BLNK: variants seen among roughly 807,000 people sequenced by gnomAD.
BLNK encodes B cell linker, also known as B-cell linker protein.
Under a neutral mutation model 73.5 loss-of-function variants are expected in BLNK, and 29 were observed. The observed-to-expected ratio is 0.39, with a 90% CI of 0.29 to 0.54. The LOEUF is 0.54. BLNK is among the 20% of genes least tolerant of loss of function. BLNK has a pLI of 0.61. For missense variants in BLNK, 460 were observed against 562.8 expected (o/e 0.82, Z 1.85); for synonymous variants, 176 against 200.8 (o/e 0.88, Z 1.04).
intron 15 of BLNK, chr10:96,199,666 T>A (rs587715831): frequency 2.1e-5 from 8 of 385,900 alleles, no homozygotes; most frequent in African/African-American, 1.3e-4. Context: ...TTAATTAGCA[T>A]ATCATAAGGA....
At chr10:96,237,280 G>A (rs1167078016) in intron 3 of BLNK, among the ~76,000 whole-genome samples, 2 of 152,152 alleles carry the variant, frequency 1.3e-5, no homozygotes, top group East Asian at 3.9e-4. Context: ...GGATTGTTAT[G>A]CATACCCCAT....
chr10:96,260,913 G>A (rs1402744273), intron 1 of BLNK, among the ~76,000 whole-genome samples: 1 of 150,054 alleles, frequency 6.7e-6, no homozygotes, highest in Non-Finnish European at 1.5e-5. Context: ...GCGTTATCTC[G>A]GCTCACTAAA....
chr10:96,206,567 A>AT (rs60535946), intron 11 of BLNK, among the ~76,000 whole-genome samples: 1 of 150,526 alleles, frequency 6.6e-6, no homozygotes, highest in Non-Finnish European at 1.5e-5. Context: ...AAAAAAAAAA[A>AT]GGAAGAAAAG....
chr10:96,258,843 TC>T lies in BLNK; in HGVS notation c.48-11795del, dbSNP rs374241908. Among the ~76,000 whole-genome samples the T allele has an allele frequency of 6.7e-3, 1,021 of 152,292 alleles. 13 individuals are homozygous for T. The highest frequency in any genetic ancestry group is 0.023 in the African/African-American group (967 of 41,552). On this transcript the variant is annotated intron_variant, in intron 1 of 16. Coordinates refer to ENST00000224337, the MANE Select transcript of BLNK (RefSeq NM_013314.4). ...CTACCCTGTGAGGGAGGTCCTATTATCCCCATGTTTATATTATGATAAAAAA... is the reference window on the plus strand; with the variant it reads ...CTACCCTGTGAGGGAGGTCCTATTATCCCATGTTTATATTATGATAAAAAA...
In BLNK at chr10:96,200,912, TCTC is replaced by T; in HGVS notation, c.1011+67_1011+69del. 3.0e-6 allele frequency: 4 copies of T among 1,350,886 alleles called. No homozygotes were observed. The highest frequency in any genetic ancestry group is 4.3e-6 in the Non-Finnish European group (4 of 940,336). 83.7% of individuals were successfully genotyped at this position (1,350,886 alleles called of 1,614,324 possible). On this transcript the variant is annotated intron_variant, in intron 14 of 16. Coordinates refer to ENST00000224337, the MANE Select transcript of BLNK (RefSeq NM_013314.4). The surrounding 1 kb of genome is among the most constrained non-coding windows in gnomAD (Gnocchi z 4.3). Reference sequence around the variant, plus strand: ...TCAAGGTTCACTCCAAATGTCTTCTTCTCAGAAGACATGCTCTTTCCTGCAGTT... The same window carrying T: ...TCAAGGTTCACTCCAAATGTCTTCTTAGAAGACATGCTCTTTCCTGCAGTT...
intron 7 of BLNK, chr10:96,216,012 T>A (rs2084056495): frequency 6.2e-6 from 1 of 161,536 alleles, no homozygotes; most frequent in African/African-American, 2.4e-5. Flanking sequence ...ATGGCTACCA[T>A]GGAGTTGAGA....
chr10:96,247,798 A>G (rs782100001), intron 1 of BLNK, among the ~76,000 whole-genome samples: 15 of 152,136 alleles, frequency 9.9e-5, no homozygotes, highest in Non-Finnish European at 1.9e-4. Context: ...CGTCTGATTG[A>G]TCACCTTCTG....
Position 96,204,530 on chromosome 10 carries a change from A to G in BLNK, c.902+2T>C, listed in dbSNP as rs1554896940. On this transcript the variant is annotated splice_donor_variant, in intron 12 of 16. Transcript: ENST00000224337. LOFTEE classifies it high-confidence loss of function. ...CTGATCTTTAAAGGAAAGGATTCTTACTTCTGGGCAGGAGGAAACACTGGT... is the reference window on the plus strand; with the variant it reads ...CTGATCTTTAAAGGAAAGGATTCTTGCTTCTGGGCAGGAGGAAACACTGGT... The G allele has an allele frequency of 6.2e-7, 1 of 1,613,908 alleles. No individual in the cohort carries two copies. The highest frequency in any genetic ancestry group is 1.7e-5 in the Admixed American group (1 of 60,024).
chr10:96,197,463 C>T (rs1483727816), intron 15 of BLNK, among the ~76,000 whole-genome samples: 2 of 152,044 alleles, frequency 1.3e-5, no homozygotes, highest in Non-Finnish European at 2.9e-5. Context: ...CACCACCATG[C>T]CCAGCTAAAT....
At chr10:96,201,936 G>A (rs1554896296) in intron 13 of BLNK, among the ~76,000 whole-genome samples, 3 of 152,128 alleles carry the variant, frequency 2.0e-5, no homozygotes, top group African/African-American at 7.2e-5. Context: ...ATGCTATGAA[G>A]AAAAATAAAT....
chr10:96,209,883 G>A lies in BLNK; in HGVS notation c.701C>T (p.Thr234Ile). The change falls in exon 9 of 17, where the codon ACC (threonine) becomes ATC (isoleucine). Residue 234 changes from threonine (T) to isoleucine (I), a missense_variant. Thr to Ile is a moderately conservative substitution (Grantham distance 89, BLOSUM62 -1). Transcript: ENST00000224337. The stretch of plus-strand genomic sequence containing the variant: ...TGGTGCAGCTGGTGGAGGTGACTTG[G>A]TTTCCCAGGCCCCACTGTTTCGACC... ...ASGRNSGAWETKSPPPAAPSP... is the reference protein window; with the variant it reads ...ASGRNSGAWEIKSPPPAAPSP... The A allele has an allele frequency of 1.2e-6, 2 of 1,614,198 alleles. No individual in the cohort carries two copies. The highest frequency in any genetic ancestry group is 1.7e-6 in the Non-Finnish European group (2 of 1,180,024).
rs1283866568 is a variant in BLNK, at chr10:96,271,338, G to A, written c.47+14C>T. 4 of 1,613,498 alleles carry A rather than the reference G, an allele frequency of 2.5e-6. No individual in the cohort carries two copies. In the African/African-American group the frequency reaches 4.0e-5, roughly 16 times the overall value. On this transcript the variant is annotated intron_variant, in intron 1 of 16. Coordinates refer to ENST00000224337, the MANE Select transcript of BLNK (RefSeq NM_013314.4). ...AAGGAGATGAAGAAGGGTATTGGGTGGGGAAAATCTTACCTCAACTTCTGA... is the reference window on the plus strand; with the variant it reads ...AAGGAGATGAAGAAGGGTATTGGGTAGGGAAAATCTTACCTCAACTTCTGA...
At chr10:96,268,169 A>G (rs1844099212) in intron 1 of BLNK, among the ~76,000 whole-genome samples, 2 of 152,238 alleles carry the variant, frequency 1.3e-5, no homozygotes, top group Admixed American at 1.3e-4. Context: ...GTGTTTGTTT[A>G]TGCTACAAAG....
intron 1 of BLNK, among the ~76,000 whole-genome samples, chr10:96,263,250 C>A (rs782043023): frequency 6.6e-6 from 1 of 152,186 alleles, no homozygotes; most frequent in African/African-American, 2.4e-5. Context: ...GGACCCTGTG[C>A]GACTGTATGG....
intron 6 of BLNK, 67 bp from the exon 7 acceptor site, chr10:96,216,801 T>G: frequency 2.2e-6 from 3 of 1,360,100 alleles, no homozygotes; most frequent in Non-Finnish European, 3.1e-6. Flanking sequence ...TGGGAGGGAG[T>G]GATTTTTTTA....
intron 16 of BLNK, 51 bp downstream of exon 16, chr10:96,196,857 A>T: frequency 6.4e-7 from 1 of 1,559,616 alleles, no homozygotes; most frequent in East Asian, 2.3e-5. Context: ...ATTTGATGTC[A>T]TTATACTCAA....
At chr10:96,193,139 A>G (rs1554893900) in intron 16 of BLNK, among the ~76,000 whole-genome samples, 1 of 152,248 alleles carries the variant, frequency 6.6e-6, no homozygotes, top group East Asian at 1.9e-4. Flanking sequence ...GAGGTAAGAG[A>G]CAGGGACTTT....
At chr10:96,207,967 T>C (rs2083861125) in intron 9 of BLNK, 68 bp from the exon 10 acceptor site, 2 of 1,506,924 alleles carry the variant, frequency 1.3e-6, no homozygotes, top group Admixed American at 1.7e-5. Context: ...TTTACCATTA[T>C]TTTAGTCTCA....
chr10:96,195,637 T>C (rs2083446576), intron 16 of BLNK, among the ~76,000 whole-genome samples: 1 of 152,172 alleles, frequency 6.6e-6, no homozygotes, highest in African/African-American at 2.4e-5. Flanking sequence ...ACGTGGTTGC[T>C]AGGGGCTGAA....
Sources: allele counts gnomAD v4.1 joint callset (sites outside exome capture counted in the v4.1 genomes callset), GRCh38; gene constraint gnomAD v4.1.1; non-coding constraint Gnocchi (gnomAD v3.1); transcripts MANE v1.5; gene names NCBI Gene and HGNC (gene_info 2026-07-23, HGNC 2026-07-21).